Variants in STARD13 observed in about 807,000 individuals in gnomAD.
The protein encoded by STARD13 is StAR related lipid transfer domain containing 13.
STARD13 carries 62 observed loss-of-function variants against 106.4 expected under a neutral mutation model. The observed-to-expected ratio is 0.58, with a 90% CI of 0.48 to 0.72. STARD13 has a LOEUF of 0.72. Ranked by LOEUF, STARD13 falls within the 30% of genes least tolerant of loss-of-function variation. The pLI, the probability that STARD13 is intolerant of heterozygous loss-of-function variation, is 0.00. For synonymous variants in STARD13, 565 were observed against 553.0 expected (o/e 1.02, Z -0.31); for missense variants, 1,387 against 1,424.0 (o/e 0.97, Z 0.42).
At chr13:33,510,596 A>AAT in the STARD13 span, among the ~76,000 whole-genome samples, 2 of 152,152 alleles carry the variant, frequency 1.3e-5, no homozygotes, top group Non-Finnish European at 2.9e-5. Flanking sequence ...AAGCCAGGAC[A>AAT]ATAAAAGCTC....
chr13:33,467,709 C>T, the STARD13 span, among the ~76,000 whole-genome samples: 5 of 152,184 alleles, frequency 3.3e-5, no homozygotes, highest in Admixed American at 6.5e-5. Context: ...ATGCGCCAGG[C>T]ACTTAGACAC....
the STARD13 span, among the ~76,000 whole-genome samples, chr13:33,422,959 G>C: frequency 0.16 from 23,745 of 152,130 alleles, 4,434 homozygotes; most frequent in African/African-American, 0.44. Context: ...ATGAATTAAA[G>C]TCTTAAATGT....
intron 12 of STARD13, among the ~76,000 whole-genome samples, chr13:33,109,546 T>G (rs1874219012): frequency 6.6e-6 from 1 of 152,188 alleles, no homozygotes; most frequent in South Asian, 2.1e-4. Context: ...TTTGCATAAT[T>G]TGGCAGAAAG....
At chr13:33,676,533 G>A in the STARD13 span, 7 of 152,274 alleles carry the variant, frequency 4.6e-5, no homozygotes, top group African/African-American at 1.7e-4. Context: ...GTGCGTGCAC[G>A]TTTGACAGTG....
Position 33,105,464 on chromosome 13 carries a change from G to T in STARD13, c.*129C>A, listed in dbSNP as rs944333276. Reference sequence around the variant, plus strand: ...ATCTCCAACATTCCAACTTCTTAACGTTTCCATTTTTAGGCATTAACCGCG... The same window carrying T: ...ATCTCCAACATTCCAACTTCTTAACTTTTCCATTTTTAGGCATTAACCGCG... On this transcript the variant is annotated 3_prime_UTR_variant, in exon 14 of 14. Coordinates refer to ENST00000336934, the MANE Select transcript of STARD13 (RefSeq NM_178006.4). 1.7e-5 allele frequency: 11 copies of T among 662,344 alleles called. No individual in the cohort carries two copies. Among genetic ancestry groups the T allele is most frequent in the African/African-American group, 1.6e-4 (9 of 55,822 alleles). 41.0% of individuals were successfully genotyped at this position (662,344 alleles called of 1,614,324 possible).
chr13:33,143,858 A>G (rs1453860768), intron 3 of STARD13, among the ~76,000 whole-genome samples: 1 of 152,152 alleles, frequency 6.6e-6, no homozygotes, highest in Admixed American at 6.5e-5. Flanking sequence ...GCTTGTTTCC[A>G]GTTTTGACCA....
At chr13:33,443,393 T>C in the STARD13 span, among the ~76,000 whole-genome samples, 2 of 142,290 alleles carry the variant, frequency 1.4e-5, no homozygotes, top group African/African-American at 5.2e-5. Context: ...AAAAAAAAAA[T>C]TGGTTAGGAT....
the STARD13 span, among the ~76,000 whole-genome samples, chr13:33,623,809 A>G: frequency 0.12 from 18,340 of 152,098 alleles, 2,778 homozygotes; most frequent in African/African-American, 0.36. Flanking sequence ...GTGTTAAAAA[A>G]AGACTTCACA....
the STARD13 span, among the ~76,000 whole-genome samples, chr13:33,378,161 G>A: frequency 9.9e-5 from 15 of 152,078 alleles, no homozygotes; most frequent in Non-Finnish European, 1.6e-4. Flanking sequence ...AGGGAAGTGG[G>A]TGGTTAAACT....
At chr13:33,326,034 T>C (rs1235238838) in intron 1 of STARD13, among the ~76,000 whole-genome samples, 1 of 132,242 alleles carries the variant, frequency 7.6e-6, no homozygotes, top group African/African-American at 2.8e-5. Context: ...TGAAAGAATA[T>C]ATAATTCATC....
At chr13:33,405,932 A>C in the STARD13 span, among the ~76,000 whole-genome samples, 2 of 152,238 alleles carry the variant, frequency 1.3e-5, no homozygotes, top group African/African-American at 4.8e-5. Context: ...GCTATGTGCC[A>C]ATAAGTATGT....
chr13:33,384,055 G>A, the STARD13 span, among the ~76,000 whole-genome samples: 2 of 152,144 alleles, frequency 1.3e-5, no homozygotes, highest in Admixed American at 1.3e-4. Flanking sequence ...TATTTAATGT[G>A]TCACCTGCAA....
the STARD13 span, among the ~76,000 whole-genome samples, chr13:33,414,032 C>CAAA: frequency 4.2e-5 from 2 of 48,178 alleles, no homozygotes; most frequent in African/African-American, 1.8e-4. Context: ...GATTCCCTCT[C>CAAA]AAAAAAAAAA....
chr13:33,645,138 T>C, the STARD13 span, among the ~76,000 whole-genome samples: 1 of 152,052 alleles, frequency 6.6e-6, no homozygotes, highest in African/African-American at 2.4e-5. Flanking sequence ...CATTGTGACT[T>C]ATGTTGACTG....
At chr13:33,301,940 C>T (rs9537087) in intron 1 of STARD13, among the ~76,000 whole-genome samples, 99,200 of 151,934 alleles carry the variant, frequency 0.65, 34,270 homozygotes, top group Non-Finnish European at 0.77. Flanking sequence ...AGAATTATAG[C>T]CCTTCCTTCA....
chr13:33,183,648 G>C (rs1023405101), intron 1 of STARD13, among the ~76,000 whole-genome samples: 1 of 152,170 alleles, frequency 6.6e-6, no homozygotes, highest in Admixed American at 6.5e-5. Flanking sequence ...TCCAAATGTG[G>C]GTTTGGAATA....
At chr13:33,136,208 C>A (rs1359825598) in intron 4 of STARD13, among the ~76,000 whole-genome samples, 1 of 152,078 alleles carries the variant, frequency 6.6e-6, no homozygotes, top group African/African-American at 2.4e-5. Flanking sequence ...TGAGGGATTT[C>A]TCTTTTAAAG....
the STARD13 span, among the ~76,000 whole-genome samples, chr13:33,612,823 A>G: frequency 1.1e-3 from 175 of 152,326 alleles, 2 homozygotes; most frequent in African/African-American, 3.7e-3. Context: ...CAGAGTACAC[A>G]AAAGACCGAA....
At chr13:33,508,081 C>G in the STARD13 span, among the ~76,000 whole-genome samples, 2 of 152,150 alleles carry the variant, frequency 1.3e-5, no homozygotes, top group African/African-American at 4.8e-5. Flanking sequence ...TCCCAACTTT[C>G]AAGTCACTTG....
Sources: gnomAD v4.1 joint callset for allele counts (sites outside exome capture counted in the v4.1 genomes callset) on GRCh38, gnomAD v4.1.1 for gene constraint, MANE v1.5 for transcripts, NCBI Gene and HGNC (gene_info 2026-07-23, HGNC 2026-07-21) for gene names.